The following FGF12 variants were observed in gnomAD, a reference collection of about 807,000 sequenced individuals.
FGF12 encodes the protein fibroblast growth factor 12B.
FGF12 carries 14 observed loss-of-function variants against 23.6 expected under a neutral mutation model. The observed-to-expected ratio is 0.59, with a 90% CI of 0.39 to 0.93. FGF12 has a LOEUF of 0.93. Ranked by LOEUF, FGF12 falls within the 40% of genes least tolerant of loss-of-function variation. The probability of loss-of-function intolerance (pLI) is 0.00; values close to 1 mark genes in which losing one functional copy is unlikely to be tolerated. For missense variants in FGF12, 175 were observed against 217.8 expected (o/e 0.80, Z 1.24); for synonymous variants, 62 against 77.3 (o/e 0.80, Z 1.04).
At chr3:192,488,264 G>T (rs1723696620) in intron 2 of FGF12, among the ~76,000 whole-genome samples, 1 of 152,000 alleles carries the variant, frequency 6.6e-6, no homozygotes, top group South Asian at 2.1e-4. Context: ...CAATAATTAT[G>T]AAATTATGAA....
Position 192,574,519 on chromosome 3 carries a change from G to A in FGF12, c.13+152662C>T, listed in dbSNP as rs539990853. 2.4e-4 allele frequency among the ~76,000 whole-genome samples: 37 copies of A among 152,162 alleles called. 1 individual carries two copies. In the South Asian group the frequency reaches 6.2e-3, roughly 26 times the overall value. ...ACTGCACAATTGGATAGTTCATGTC[G>A]TCCTACTCAAAAATGGGCCACCTCC... On this transcript the variant is annotated intron_variant, in intron 2 of 5. Transcript: ENST00000445105.
At chr3:192,615,106 G>T (rs902337917) in intron 2 of FGF12, among the ~76,000 whole-genome samples, 1 of 151,842 alleles carries the variant, frequency 6.6e-6, no homozygotes, top group African/African-American at 2.4e-5. Flanking sequence ...AGAGCCCCTG[G>T]GACAGCCGCC....
At chr3:192,614,038 A>C (rs531541130) in intron 2 of FGF12, among the ~76,000 whole-genome samples, 3 of 151,924 alleles carry the variant, frequency 2.0e-5, no homozygotes, top group Admixed American at 2.0e-4. Context: ...GTCCTTCCCC[A>C]TTGCTTCCCA....
intron 2 of FGF12, among the ~76,000 whole-genome samples, chr3:192,650,804 T>C (rs1014342955): frequency 2.0e-5 from 3 of 152,226 alleles, no homozygotes; most frequent in Admixed American, 2.0e-4. Context: ...TATTAATGTA[T>C]GTCCAATAGG....
At chr3:192,350,354 TA>T (rs565536703) in intron 3 of FGF12, among the ~76,000 whole-genome samples, 5 of 151,864 alleles carry the variant, frequency 3.3e-5, no homozygotes, top group Non-Finnish European at 5.9e-5. Flanking sequence ...TAGGATAGAA[TA>T]AAAAAAGTAT....
chr3:192,217,473 T>G (rs965766489), intron 4 of FGF12, among the ~76,000 whole-genome samples: 1 of 152,076 alleles, frequency 6.6e-6, no homozygotes, highest in Non-Finnish European at 1.5e-5. Flanking sequence ...TCTATTACTG[T>G]GGGTAAATGC....
intron 4 of FGF12, among the ~76,000 whole-genome samples, chr3:192,272,509 C>G (rs1409831330): frequency 6.6e-6 from 1 of 152,158 alleles, no homozygotes; most frequent in Non-Finnish European, 1.5e-5. Flanking sequence ...CAGCAAATTA[C>G]AAACCACTCC....
intron 4 of FGF12, among the ~76,000 whole-genome samples, chr3:192,264,030 A>G (rs1712922981): frequency 6.6e-6 from 1 of 152,130 alleles, no homozygotes; most frequent in Non-Finnish European, 1.5e-5. Flanking sequence ...CTAATGTGTC[A>G]TATTTCATCT....
At chr3:192,610,947 T>C (rs1040655887) in intron 2 of FGF12, among the ~76,000 whole-genome samples, 1 of 151,996 alleles carries the variant, frequency 6.6e-6, no homozygotes, top group Non-Finnish European at 1.5e-5. Context: ...AATTGCAGCC[T>C]CATTTATACT....
intron 2 of FGF12, among the ~76,000 whole-genome samples, chr3:192,411,343 G>A (rs1437157018): frequency 6.6e-6 from 1 of 152,230 alleles, no homozygotes; most frequent in African/African-American, 2.4e-5. Context: ...ACAGCTGGGA[G>A]GAGGATTAAA....
At chr3:192,383,633 GA>G (rs1719921934) in intron 2 of FGF12, among the ~76,000 whole-genome samples, 1 of 151,976 alleles carries the variant, frequency 6.6e-6, no homozygotes, top group Non-Finnish European at 1.5e-5. Context: ...AAAGGTAGAT[GA>G]AATCAAAGGC....
chr3:192,264,896 A>G (rs573181428), intron 4 of FGF12, among the ~76,000 whole-genome samples: 1 of 152,224 alleles, frequency 6.6e-6, no homozygotes, highest in African/African-American at 2.4e-5. Context: ...CTGTCTCTCT[A>G]AATGTTCTGG....
chr3:192,190,468 C>CTTTTTTTTTTTTTTTTTTTT (rs34108891), intron 4 of FGF12, among the ~76,000 whole-genome samples: 1 of 89,136 alleles, frequency 1.1e-5, no homozygotes, highest in African/African-American at 4.4e-5. Flanking sequence ...GCCCAATACT[C>CTTTTTTTTTTTTTTTTTTTT]TTTTTTTTTT....
intron 2 of FGF12, among the ~76,000 whole-genome samples, chr3:192,368,735 T>C (rs1040508368): frequency 2.6e-5 from 4 of 152,152 alleles, no homozygotes; most frequent in African/African-American, 9.7e-5. Context: ...CATTCACTCA[T>C]GCATTGCCTC....
In FGF12 at chr3:192,604,195, G is replaced by A. The variant is rs1157845441; in HGVS notation, c.13+122986C>T. On this transcript the variant is annotated intron_variant, in intron 2 of 5. Coordinates refer to ENST00000445105, the MANE Select transcript of FGF12 (RefSeq NM_004113.6). ...TGTCTTCCCTTGTTCCCTAAAAATCGCTGTTATTCTGTTCTTTTTCAAGGT... is the reference window on the plus strand; with the variant it reads ...TGTCTTCCCTTGTTCCCTAAAAATCACTGTTATTCTGTTCTTTTTCAAGGT... Among the ~76,000 whole-genome samples the A allele has an allele frequency of 3.9e-5, 6 of 152,132 alleles. No homozygotes were observed. In the South Asian group the frequency reaches 6.2e-4, roughly 16 times the overall value.
intron 4 of FGF12, among the ~76,000 whole-genome samples, chr3:192,305,190 C>G (rs1715556230): frequency 6.6e-6 from 1 of 151,992 alleles, no homozygotes; most frequent in Non-Finnish European, 1.5e-5. Flanking sequence ...ACTCTTAGAC[C>G]ATTTTTCAGA....
chr3:192,266,681 T>C (rs575906307), intron 4 of FGF12, among the ~76,000 whole-genome samples: 1 of 152,190 alleles, frequency 6.6e-6, no homozygotes, highest in East Asian at 1.9e-4. Context: ...TAGGAACTTT[T>C]AATACTTTCC....
At position 192,409,076 on chromosome 3, in the gene FGF12, GGGGAGGGCGCGAGGGAGGGA is replaced by G; in HGVS notation, c.14-48558_14-48539del. ...CAAAGAGAGCGGGAGGCGAGGGAGG[GGGGAGGGCGCGAGGGAGGGA>G]GGGAGATCCTCGAGGGCCAAGCACC... On this transcript the variant is annotated intron_variant, in intron 2 of 5. Coordinates refer to ENST00000445105, the MANE Select transcript of FGF12 (RefSeq NM_004113.6). The surrounding 1 kb of genome is among the most constrained non-coding windows in gnomAD (Gnocchi z 4.8). 7.4e-6 allele frequency: 6 copies of G among 815,226 alleles called. No homozygotes were observed. The highest frequency in any genetic ancestry group is 5.5e-5 in the South Asian group (1 of 18,078). The allele number at this position is 815,226 out of a possible 1,614,324, so 50.5% of individuals were successfully genotyped here.
rs147189620 is a variant in FGF12 at position 192,479,237 on chromosome 3, C to A, written c.14-118699G>T. 5.2e-3 allele frequency among the ~76,000 whole-genome samples: 785 copies of A among 152,240 alleles called. 9 individuals are homozygous for A. The highest frequency in any genetic ancestry group is 0.018 in the African/African-American group (752 of 41,544). ...AAGGCCACAGGAGACTATATCAGTG[C>A]CATCTATGTTTAGAGTCTAACACCA... is the stretch of plus-strand genomic sequence containing the variant. On this transcript the variant is annotated intron_variant, in intron 2 of 5. Transcript: ENST00000445105.
Sources: gnomAD v4.1 joint callset for allele counts (sites outside exome capture counted in the v4.1 genomes callset) on GRCh38, gnomAD v4.1.1 for gene constraint, Gnocchi (gnomAD v3.1) non-coding constraint, MANE v1.5 for transcripts, NCBI Gene and HGNC (gene_info 2026-07-23, HGNC 2026-07-21) for gene names.